Variants in ZNF704 observed in about 807,000 individuals in gnomAD.
ZNF704 encodes the protein zinc finger protein 704.
Under a neutral mutation model 44.7 loss-of-function variants are expected in ZNF704, and 10 were observed. The observed-to-expected ratio is 0.22, with a 90% CI of 0.14 to 0.38. ZNF704 has a LOEUF of 0.38. Ranked by LOEUF, ZNF704 falls within the 10% of genes least tolerant of loss-of-function variation. The pLI, the probability that ZNF704 is intolerant of heterozygous loss-of-function variation, is 1.00. For synonymous variants in ZNF704, 211 were observed against 207.6 expected (o/e 1.02, Z -0.14); for missense variants, 390 against 545.5 (o/e 0.71, Z 2.84).
At chr8:80,826,324 C>T (rs1167827754) in intron 1 of ZNF704, among the ~76,000 whole-genome samples, 2 of 152,168 alleles carry the variant, frequency 1.3e-5, no homozygotes, top group Non-Finnish European at 2.9e-5. Flanking sequence ...ACTAGAAAAT[C>T]TAGAAGAAAT....
intron 4 of ZNF704, among the ~76,000 whole-genome samples, chr8:80,675,735 GT>G (rs1818354710): frequency 6.6e-6 from 1 of 152,192 alleles, no homozygotes; most frequent in African/African-American, 2.4e-5. Context: ...GACTGGGTGA[GT>G]TGTGGGTGAG....
At chr8:80,785,915 T>C (rs1807606401) in intron 2 of ZNF704, among the ~76,000 whole-genome samples, 1 of 152,202 alleles carries the variant, frequency 6.6e-6, no homozygotes, top group Non-Finnish European at 1.5e-5. Context: ...CAAGAAAATA[T>C]ATGTGTGCAT....
intron 1 of ZNF704, among the ~76,000 whole-genome samples, chr8:80,826,241 G>A (rs1028409237): frequency 1.3e-5 from 2 of 151,992 alleles, no homozygotes; most frequent in Non-Finnish European, 2.9e-5. Context: ...AATCATAAAG[G>A]AGATATCACC....
At chr8:80,810,328 A>G (rs1389175699) in intron 2 of ZNF704, among the ~76,000 whole-genome samples, 3 of 152,220 alleles carry the variant, frequency 2.0e-5, no homozygotes, top group East Asian at 1.9e-4. Context: ...TAGGAGAGAG[A>G]AAAAAGGTTA....
chr8:80,880,833 T>C, the ZNF704 span, among the ~76,000 whole-genome samples: 8 of 152,322 alleles, frequency 5.3e-5, no homozygotes, highest in Middle Eastern at 3.4e-3. Context: ...ATAGAAAATA[T>C]TATCAACATA....
chr8:80,834,252 C>T (rs1368154240), intron 1 of ZNF704, among the ~76,000 whole-genome samples: 1 of 152,000 alleles, frequency 6.6e-6, no homozygotes, highest in Admixed American at 6.5e-5. Context: ...TGCAAATGGT[C>T]AGTATCTAGT....
At position 80,693,976 on chromosome 8, in the gene ZNF704, C is replaced by T. The variant is rs545751141; in HGVS notation, c.222-869G>A. Reference sequence around the variant, plus strand: ...AGGAGATGACTGCTAGGAGTCCAGGCGAGCTTGGACTAGGGTGGGGACAGT... The same window carrying T: ...AGGAGATGACTGCTAGGAGTCCAGGTGAGCTTGGACTAGGGTGGGGACAGT... On this transcript the variant is annotated intron_variant, in intron 2 of 8. Coordinates refer to ENST00000327835, the MANE Select transcript of ZNF704 (RefSeq NM_001033723.3). 2.2e-4 allele frequency among the ~76,000 whole-genome samples: 33 copies of T among 152,116 alleles called. No homozygotes were observed. In the South Asian group the frequency reaches 5.6e-3, roughly 26 times the overall value.
At chr8:80,771,294 G>C (rs1377046399) in intron 2 of ZNF704, among the ~76,000 whole-genome samples, 1 of 150,844 alleles carries the variant, frequency 6.6e-6, no homozygotes, top group Non-Finnish European at 1.5e-5. Context: ...ATTTTTGTGA[G>C]AATTGACTAT....
intron 7 of ZNF704, among the ~76,000 whole-genome samples, chr8:80,647,293 TGAG>T (rs778970418): frequency 9.9e-5 from 15 of 152,122 alleles, no homozygotes; most frequent in Non-Finnish European, 1.8e-4. Flanking sequence ...GAAGGCTTCC[TGAG>T]GAGGTTACCT....
At chr8:80,782,661 C>G (rs540842550) in intron 2 of ZNF704, among the ~76,000 whole-genome samples, 1 of 151,988 alleles carries the variant, frequency 6.6e-6, no homozygotes, top group South Asian at 2.1e-4. Flanking sequence ...AAGAGGAGGA[C>G]GACCAGGGTA....
chr8:80,650,361 C>T (rs893862927), intron 7 of ZNF704, among the ~76,000 whole-genome samples: 4 of 152,168 alleles, frequency 2.6e-5, no homozygotes, highest in Non-Finnish European at 4.4e-5. Context: ...GACGATCAAA[C>T]TACTCCGAGC....
At chr8:80,748,260 T>C (rs1037127056) in intron 2 of ZNF704, among the ~76,000 whole-genome samples, 1 of 152,210 alleles carries the variant, frequency 6.6e-6, no homozygotes, top group Non-Finnish European at 1.5e-5. Context: ...CTAATAAAAG[T>C]GGGCACCATG....
intron 1 of ZNF704, among the ~76,000 whole-genome samples, chr8:80,834,986 C>T (rs528862884): frequency 6.6e-6 from 1 of 152,142 alleles, no homozygotes; most frequent in Non-Finnish European, 1.5e-5. Context: ...TAGTGTACTA[C>T]AGCAAGTTTT....
rs955757925 is a variant in ZNF704 at position 80,629,522 on chromosome 8, G to T, written c.*11844C>A. The T allele has an allele frequency of 1.4e-4, 21 of 152,118 alleles. No homozygotes were observed. Among genetic ancestry groups the T allele is most frequent in the African/African-American group, 4.3e-4 (18 of 41,408 alleles). 9.4% of individuals were successfully genotyped at this position (152,118 alleles called of 1,614,324 possible). Reference sequence around the variant, plus strand: ...TTCCACATTGTCAGATGAAGGAAAAGATATTTTTTCAGGCTGAGTAATGTA... The same window carrying T: ...TTCCACATTGTCAGATGAAGGAAAATATATTTTTTCAGGCTGAGTAATGTA... On this transcript the variant is annotated 3_prime_UTR_variant, in exon 9 of 9. Transcript: ENST00000327835.
intron 4 of ZNF704, among the ~76,000 whole-genome samples, chr8:80,671,737 T>C (rs1563513370): frequency 6.6e-6 from 1 of 152,322 alleles, no homozygotes; most frequent in East Asian, 1.9e-4. Context: ...TAGACCTTGA[T>C]TCCCAGACTC....
chr8:80,821,659 C>T (rs1401030621), intron 1 of ZNF704, 44 bp from the exon 2 acceptor site: 5 of 1,478,340 alleles, frequency 3.4e-6, no homozygotes, highest in African/African-American at 1.4e-5. Context: ...TAAAACATCA[C>T]CTTTGTACGA....
At chr8:80,811,568 C>A (rs887006621) in intron 2 of ZNF704, among the ~76,000 whole-genome samples, 1 of 152,168 alleles carries the variant, frequency 6.6e-6, no homozygotes, top group Non-Finnish European at 1.5e-5. Flanking sequence ...CAATTTATAA[C>A]CCTCATACTG....
intron 2 of ZNF704, among the ~76,000 whole-genome samples, chr8:80,783,627 A>T (rs905945231): frequency 6.6e-6 from 1 of 152,186 alleles, no homozygotes; most frequent in African/African-American, 2.4e-5. Flanking sequence ...TCACAGAAAA[A>T]TTGAGAGGAA....
At chr8:80,743,685 C>T (rs1311311257) in intron 2 of ZNF704, among the ~76,000 whole-genome samples, 2 of 152,128 alleles carry the variant, frequency 1.3e-5, no homozygotes. Context: ...TGGGGGTGGG[C>T]CCAGCAAACC....
Sources: allele counts gnomAD v4.1 joint callset (sites outside exome capture counted in the v4.1 genomes callset), GRCh38; gene constraint gnomAD v4.1.1; transcripts MANE v1.5; gene names NCBI Gene and HGNC (gene_info 2026-07-23, HGNC 2026-07-21).